COL4A2: variants seen among roughly 807,000 people sequenced by gnomAD.
The protein encoded by COL4A2 is collagen alpha-2(IV) chain.
In COL4A2, 99 loss-of-function variants were observed where a neutral mutation model predicts 200.2. The ratio of observed to expected loss-of-function variants is 0.49; its 90% CI spans 0.42 to 0.58. The LOEUF (loss-of-function observed/expected upper bound fraction) is 0.58, where lower values mean the gene tolerates loss of function less well. Ranked by LOEUF, COL4A2 falls within the 20% of genes least tolerant of loss-of-function variation. The probability of loss-of-function intolerance (pLI) is 0.00; values close to 1 mark genes in which losing one functional copy is unlikely to be tolerated. For synonymous variants in COL4A2, 897 were observed against 900.6 expected (o/e 1.00, Z 0.07); for missense variants, 1,950 against 2,314.1 (o/e 0.84, Z 3.23).
At position 110,482,449 on chromosome 13, in the gene COL4A2, G is replaced by A. The variant is rs753143191; in HGVS notation, c.2759-67G>A. 70 of 1,523,862 alleles carry A rather than the reference G, an allele frequency of 4.6e-5. No homozygotes were observed. The South Asian group carries it at 4.7e-4, about 10-fold the overall frequency. 94.4% of individuals were successfully genotyped at this position (1,523,862 alleles called of 1,614,324 possible). A position where few individuals can be genotyped will look rare whatever the true frequency, so the allele number is the denominator to read the frequency against. On this transcript the variant is annotated intron_variant, in intron 31 of 47. Transcript: ENST00000360467. The stretch of plus-strand genomic sequence containing the variant: ...TACATTGCCGAAATGTTACGGAGAC[G>A]TGAGACTGAAATGTCCCATGCATTT...
chr13:110,498,368 G>A (rs1246721757), intron 40 of COL4A2, among the ~76,000 whole-genome samples: 2 of 152,182 alleles, frequency 1.3e-5, no homozygotes, highest in Admixed American at 1.3e-4. Flanking sequence ...ATCTGGGAAT[G>A]CAGCAACGGG....
In COL4A2 at chr13:110,470,216, G is replaced by T. The variant is rs541298594; in HGVS notation, c.2203+892G>T. 1.3e-3 allele frequency among the ~76,000 whole-genome samples: 199 copies of T among 152,162 alleles called. 1 individual carries two copies. The highest frequency in any genetic ancestry group is 4.6e-3 in the African/African-American group (189 of 41,506). On this transcript the variant is annotated intron_variant, in intron 28 of 47. Coordinates refer to ENST00000360467, the MANE Select transcript of COL4A2 (RefSeq NM_001846.4). ...CAGGCGTGAGCCACTGTGCCAGGCC[G>T]CACACATCTTCAATAGTGTTTGTCT... is the stretch of plus-strand genomic sequence containing the variant.
intron 40 of COL4A2, among the ~76,000 whole-genome samples, chr13:110,499,479 ACC>A (rs1380240408): frequency 4.6e-5 from 7 of 152,194 alleles, no homozygotes. Flanking sequence ...ATTACTTCCC[ACC>A]AGGTCCCTCC....
chr13:110,394,760 T>G (rs1879127771), intron 4 of COL4A2, among the ~76,000 whole-genome samples: 2 of 152,082 alleles, frequency 1.3e-5, no homozygotes, highest in Non-Finnish European at 2.9e-5. Context: ...TTTGCTAGAG[T>G]GAGATGCATT....
At chr13:110,432,532 A>G (rs762618160) in intron 11 of COL4A2, among the ~76,000 whole-genome samples, 172 bp downstream of exon 11, 2 of 151,600 alleles carry the variant, frequency 1.3e-5, no homozygotes, top group Admixed American at 1.3e-4. Flanking sequence ...GGATAGATCC[A>G]TGGTGCCTCT....
chr13:110,472,634 C>T (rs554259666), intron 28 of COL4A2, among the ~76,000 whole-genome samples: 11 of 152,244 alleles, frequency 7.2e-5, no homozygotes, highest in South Asian at 2.1e-4. Flanking sequence ...AGCAGGGGAA[C>T]CCATGAATTA....
intron 47 of COL4A2, among the ~76,000 whole-genome samples, chr13:110,509,268 T>TACACACACACAC (rs1474219877): frequency 3.3e-5 from 4 of 120,622 alleles, no homozygotes; most frequent in African/African-American, 1.5e-4. Context: ...TATATATATA[T>TACACACACACAC]ATACACACAC....
chr13:110,503,520 G>A (rs1033453751), intron 43 of COL4A2, 39 bp downstream of exon 43: 67 of 1,268,630 alleles, frequency 5.3e-5, no homozygotes, highest in Non-Finnish European at 7.2e-5. Context: ...TAGTGGCTCA[G>A]CCCAGCCTCT....
intron 24 of COL4A2, among the ~76,000 whole-genome samples, chr13:110,464,479 G>A (rs1441896904): frequency 6.6e-6 from 1 of 152,086 alleles, no homozygotes; most frequent in East Asian, 1.9e-4. Context: ...CTAAGTTTGG[G>A]GCATCTGCCC....
chr13:110,477,923 A>T, intron 29 of COL4A2, 80 bp from the exon 30 acceptor site: 1 of 1,286,058 alleles, frequency 7.8e-7, no homozygotes, highest in East Asian at 2.7e-5. Context: ...TTTTTACAGA[A>T]TGAGTGTGTG....
intron 4 of COL4A2, among the ~76,000 whole-genome samples, chr13:110,363,467 T>A (rs1176086520): frequency 6.6e-6 from 1 of 152,150 alleles, no homozygotes; most frequent in East Asian, 1.9e-4. Context: ...AGAGAGAAAC[T>A]GAGCAAAAAT....
At chr13:110,416,257 AG>A (rs1880039502) in intron 4 of COL4A2, among the ~76,000 whole-genome samples, 1 of 152,246 alleles carries the variant, frequency 6.6e-6, no homozygotes. Flanking sequence ...GCGGCCTGAC[AG>A]CCAAAGCTCT....
chr13:110,410,438 T>C (rs1879787309), intron 4 of COL4A2, among the ~76,000 whole-genome samples: 1 of 152,220 alleles, frequency 6.6e-6, no homozygotes, highest in South Asian at 2.1e-4. Context: ...ATTCTGTTCT[T>C]GGACAGCCCC....
chr13:110,380,422 A>G (rs1420889432), intron 4 of COL4A2, among the ~76,000 whole-genome samples: 1 of 152,208 alleles, frequency 6.6e-6, no homozygotes, highest in African/African-American at 2.4e-5. Context: ...TTGTTTATAC[A>G]GCTTTAATGT....
intron 47 of COL4A2, among the ~76,000 whole-genome samples, chr13:110,511,683 G>A (rs765511160): frequency 1.3e-5 from 2 of 152,244 alleles, no homozygotes; most frequent in Non-Finnish European, 2.9e-5. Context: ...CAGCCTGGCT[G>A]TGAATTAGTG....
intron 4 of COL4A2, among the ~76,000 whole-genome samples, chr13:110,410,899 C>T (rs1011642634): frequency 2.0e-5 from 3 of 152,170 alleles, no homozygotes; most frequent in African/African-American, 7.2e-5. Flanking sequence ...CTTGACTGCA[C>T]GGGGCTCCAA....
At chr13:110,426,368 T>C (rs944583652) in intron 6 of COL4A2, among the ~76,000 whole-genome samples, 5 of 152,146 alleles carry the variant, frequency 3.3e-5, no homozygotes, top group Non-Finnish European at 7.4e-5. Context: ...TAATCATAAT[T>C]TGGAGGAATG....
intron 3 of COL4A2, among the ~76,000 whole-genome samples, chr13:110,320,279 G>T (rs1423587352): frequency 1.3e-5 from 2 of 152,162 alleles, no homozygotes; most frequent in Non-Finnish European, 2.9e-5. Context: ...CCAGTCATTG[G>T]CCCCCTACGG....
intron 3 of COL4A2, among the ~76,000 whole-genome samples, chr13:110,331,957 T>C (rs1389649560): frequency 6.6e-6 from 1 of 152,226 alleles, no homozygotes; most frequent in East Asian, 1.9e-4. Context: ...TCTGTCTTAA[T>C]GATGTCCAAT....
Sources: gnomAD v4.1 joint callset for allele counts (sites outside exome capture counted in the v4.1 genomes callset) on GRCh38, gnomAD v4.1.1 for gene constraint, MANE v1.5 for transcripts, NCBI Gene and HGNC (gene_info 2026-07-23, HGNC 2026-07-21) for gene names.